PMFBP1: variants seen among roughly 807,000 people sequenced by gnomAD.
PMFBP1 encodes polyamine modulated factor 1 binding protein 1.
Under a neutral mutation model 137.8 loss-of-function variants are expected in PMFBP1, and 131 were observed. That is an observed-to-expected ratio of 0.95 (90% confidence interval 0.82 to 1.10). The LOEUF (loss-of-function observed/expected upper bound fraction) is 1.10. Among genes scored for constraint, PMFBP1 ranks in the 50% least tolerant of loss-of-function variants. The pLI, the probability that PMFBP1 is intolerant of heterozygous loss-of-function variation, is 0.00. For missense variants in PMFBP1, 1,199 were observed against 1,175.4 expected (o/e 1.02, Z -0.29); for synonymous variants, 490 against 450.4 (o/e 1.09, Z -1.11).
chr16:72,225,883 C>T, the PMFBP1 span, among the ~76,000 whole-genome samples: 1 of 151,052 alleles, frequency 6.6e-6, no homozygotes, highest in South Asian at 2.1e-4. Context: ...ATTCTTATAC[C>T]TGACATCACA....
At chr16:72,207,473 G>A in the PMFBP1 span, among the ~76,000 whole-genome samples, 1 of 152,196 alleles carries the variant, frequency 6.6e-6, no homozygotes, top group Non-Finnish European at 1.5e-5. Context: ...CTAATAGGTA[G>A]TAGGAGATCT....
Position 72,120,090 on chromosome 16 carries a change from C to T in PMFBP1, c.2769-1G>A. Reference sequence around the variant, plus strand: ...GTGGACCATTACACTGTGGAGGTGGCTGTGGGAAGGAGAGGAAGGACGGGT... The same window carrying T: ...GTGGACCATTACACTGTGGAGGTGGTTGTGGGAAGGAGAGGAAGGACGGGT... On this transcript the variant is annotated splice_acceptor_variant, in intron 19 of 20. Transcript: ENST00000237353. LOFTEE classifies it high-confidence loss of function. The T allele has an allele frequency of 6.2e-7, 1 of 1,614,120 alleles. No individual in the cohort carries two copies. The highest frequency in any genetic ancestry group is 2.2e-5 in the East Asian group (1 of 44,880).
chr16:72,142,233 T>C (rs192838338), intron 5 of PMFBP1, among the ~76,000 whole-genome samples: 2 of 152,138 alleles, frequency 1.3e-5, no homozygotes, highest in East Asian at 3.9e-4. Flanking sequence ...GGCAAATGAC[T>C]AGAAAACAAA....
intron 7 of PMFBP1, among the ~76,000 whole-genome samples, chr16:72,138,731 G>A (rs957487200): frequency 6.6e-6 from 1 of 152,012 alleles, no homozygotes; most frequent in Non-Finnish European, 1.5e-5. Context: ...GGCCAGGTGG[G>A]TCTCTAACTC....
chr16:72,148,694 G>A (rs2042852766), intron 5 of PMFBP1, among the ~76,000 whole-genome samples: 1 of 152,072 alleles, frequency 6.6e-6, no homozygotes, highest in Non-Finnish European at 1.5e-5. Context: ...TAAAAACCCA[G>A]TAAAAAATGA....
the PMFBP1 span, chr16:72,224,986 T>C: frequency 3.0e-4 from 45 of 152,350 alleles, no homozygotes; most frequent in African/African-American, 1.1e-3. Context: ...ACATTTTTTG[T>C]TCTGAGTTAC....
chr16:72,241,887 C>T, the PMFBP1 span, among the ~76,000 whole-genome samples: 22 of 152,132 alleles, frequency 1.4e-4, no homozygotes, highest in Admixed American at 6.5e-4. Flanking sequence ...AAGACATTTC[C>T]TCCTGTGCAT....
At chr16:72,124,700 T>G in intron 17 of PMFBP1, 67 bp downstream of exon 17, 13 of 1,537,646 alleles carry the variant, frequency 8.5e-6, no homozygotes, top group East Asian at 2.3e-5. Flanking sequence ...CTGTCTGGCA[T>G]TTGGGTGGTC....
intron 5 of PMFBP1, 72 bp from the exon 6 acceptor site, chr16:72,140,654 G>GA: frequency 1.4e-6 from 2 of 1,386,508 alleles, no homozygotes; most frequent in Non-Finnish European, 2.0e-6. Context: ...CATGAACATG[G>GA]AAAATCTCTA....
intron 19 of PMFBP1, among the ~76,000 whole-genome samples, chr16:72,122,703 T>C (rs1437855940): frequency 1.3e-5 from 2 of 152,072 alleles, no homozygotes; most frequent in Non-Finnish European, 2.9e-5. Flanking sequence ...TAAACTCCCT[T>C]TGGATTTTTG....
At chr16:72,221,031 G>A in the PMFBP1 span, among the ~76,000 whole-genome samples, 3 of 152,042 alleles carry the variant, frequency 2.0e-5, no homozygotes, top group East Asian at 3.9e-4. Context: ...CCTAGAGAGA[G>A]CAAGGGTGGG....
the PMFBP1 span, among the ~76,000 whole-genome samples, chr16:72,204,906 T>A: frequency 6.6e-6 from 1 of 152,246 alleles, no homozygotes. Context: ...AATGGAATTT[T>A]AAATTTTATT....
intron 14 of PMFBP1, 71 bp from the exon 15 acceptor site, chr16:72,126,203 G>A (rs1271915957): frequency 1.3e-6 from 2 of 1,531,636 alleles, no homozygotes; most frequent in Non-Finnish European, 1.8e-6. Context: ...GTGCCTATAG[G>A]AAATGAACAA....
the PMFBP1 span, among the ~76,000 whole-genome samples, chr16:72,193,718 A>G: frequency 8.9e-6 from 1 of 112,880 alleles, no homozygotes; most frequent in East Asian, 2.2e-4. Flanking sequence ...ACTTTATATC[A>G]GTGAGGAAAA....
the PMFBP1 span, among the ~76,000 whole-genome samples, chr16:72,239,901 G>GAAAAAAAAAAAAAAAAAAAAAAAAAAAAA: frequency 1.1e-5 from 1 of 87,790 alleles, no homozygotes. Context: ...AAAAAAAAAA[G>GAAAAAAAAAAAAAAAAAAAAAAAAAAAAA]AAAAAAAAAA....
At chr16:72,136,079 A>C (rs553196638) in intron 9 of PMFBP1, among the ~76,000 whole-genome samples, 62 of 152,152 alleles carry the variant, frequency 4.1e-4, no homozygotes, top group African/African-American at 1.3e-3. Flanking sequence ...TTAAAAGTGA[A>C]ATTCACTTGA....
chr16:72,124,869 G>A lies in PMFBP1; in HGVS notation c.2487C>T (p.His829=). The A allele has an allele frequency of 1.2e-6, 2 of 1,614,176 alleles. No homozygotes were observed. Among genetic ancestry groups the A allele is most frequent in the Non-Finnish European group, 1.7e-6 (2 of 1,180,044 alleles). The change falls in exon 17 of 21, where the codon CAC becomes CAT. Residue 829 remains histidine (H), a synonymous_variant. Transcript: ENST00000237353. ...CTGCCAGCATCTTGAGGTCATTCTG[G>A]TGTTGCTTCTGCCACTGCAGCACCT... ...SCQVLQWQKQ[H]QNDLKMLAAK...
chr16:72,240,296 G>A, the PMFBP1 span, among the ~76,000 whole-genome samples: 1 of 152,108 alleles, frequency 6.6e-6, no homozygotes, highest in Non-Finnish European at 1.5e-5. Flanking sequence ...GAATCTCAAC[G>A]ACTACATACT....
chr16:72,155,390 T>C (rs1260811841), intron 3 of PMFBP1, among the ~76,000 whole-genome samples: 1 of 152,218 alleles, frequency 6.6e-6, no homozygotes, highest in Non-Finnish European at 1.5e-5. Context: ...CAAAGCTGTC[T>C]TTGCACCAGT....
Sources: gnomAD v4.1 joint callset for allele counts (sites outside exome capture counted in the v4.1 genomes callset) on GRCh38, gnomAD v4.1.1 for gene constraint, MANE v1.5 for transcripts, NCBI Gene and HGNC (gene_info 2026-07-23, HGNC 2026-07-21) for gene names.